LONP1: variants seen among roughly 807,000 people sequenced by gnomAD.
LONP1 encodes lon protease homolog, mitochondrial.
In LONP1, 31 loss-of-function variants were observed where a neutral mutation model predicts 98.5. The observed-to-expected ratio is 0.31, with a 90% CI of 0.24 to 0.42. The LOEUF is 0.42. Among genes scored for constraint, LONP1 ranks in the 20% least tolerant of loss-of-function variants. LONP1 has a pLI of 1.00. For missense variants in LONP1, 1,336 were observed against 1,350.6 expected, an observed-to-expected ratio of 0.99 and a Z score of 0.17; for synonymous variants, 781 against 594.7, an observed-to-expected ratio of 1.31 and a Z score of -4.56.
intron 9 of LONP1, 116 bp from the exon 10 acceptor site, chr19:5,699,321 A>AG (rs2054999608): frequency 1.2e-6 from 1 of 827,340 alleles, no homozygotes; most frequent in Non-Finnish European, 1.7e-6. Flanking sequence ...AGAAGGGACC[A>AG]GGATTGTCCG....
intron 4 of LONP1, 64 bp downstream of exon 4, chr19:5,711,707 G>A: frequency 7.2e-7 from 1 of 1,381,696 alleles, no homozygotes; most frequent in Non-Finnish European, 1.0e-6. Flanking sequence ...GAGGCCGCAG[G>A]AACGGCTCAA....
chr19:5,705,639 G>A (rs569873886), intron 8 of LONP1, 133 bp downstream of exon 8: 12 of 673,866 alleles, frequency 1.8e-5, no homozygotes, highest in Non-Finnish European at 2.8e-5. Flanking sequence ...GATACTCGCT[G>A]GATGCCTCCC....
chr19:5,708,543 G>A (rs992900573), intron 4 of LONP1, 140 bp from the exon 5 acceptor site: 35 of 369,486 alleles, frequency 9.5e-5, no homozygotes, highest in East Asian at 6.8e-4. Context: ...GGCCACGGAC[G>A]GCCTGGGAGA....
intron 3 of LONP1, 167 bp from the exon 4 acceptor site, chr19:5,712,169 C>T (rs769555522): frequency 4.2e-5 from 25 of 591,788 alleles, no homozygotes; most frequent in Non-Finnish European, 6.8e-5. Flanking sequence ...GCCGCTTTCT[C>T]GGGGCCTCCC....
At chr19:5,712,991 C>G (rs1270349449) in intron 3 of LONP1, 143 bp downstream of exon 3, 2 of 1,121,210 alleles carry the variant, frequency 1.8e-6, no homozygotes, top group African/African-American at 3.0e-5. Flanking sequence ...CACTCTCACC[C>G]CCAGCTCTGG....
At chr19:5,701,542 G>A (rs557555763) in intron 8 of LONP1, among the ~76,000 whole-genome samples, 28 of 152,314 alleles carry the variant, frequency 1.8e-4, no homozygotes, top group South Asian at 6.2e-4. Context: ...TGTGTTGGCC[G>A]GGCTGGTCTC....
Position 5,696,654 on chromosome 19 carries a change from G to T in LONP1, c.1773+16C>A. On this transcript the variant is annotated intron_variant, in intron 11 of 17. Coordinates refer to ENST00000360614, the MANE Select transcript of LONP1 (RefSeq NM_004793.4). ...CATTGCCGGGTTAGGGGGTCTCCGG[G>T]CCTCTCCGCACGCACCTCGTCGATG... is the stretch of plus-strand genomic sequence containing the variant. The T allele has an allele frequency of 6.2e-7, 1 of 1,610,450 alleles. No individual in the cohort carries two copies. The highest frequency in any genetic ancestry group is 1.3e-5 in the African/African-American group (1 of 74,992).
intron 1 of LONP1, among the ~76,000 whole-genome samples, chr19:5,717,783 T>C (rs1297340479): frequency 6.6e-6 from 1 of 152,098 alleles, no homozygotes; most frequent in African/African-American, 2.4e-5. Flanking sequence ...GGTGACACCA[T>C]GGCTCACTGC....
intron 10 of LONP1, among the ~76,000 whole-genome samples, chr19:5,697,007 C>T (rs1175999692): frequency 1.3e-5 from 2 of 152,208 alleles, no homozygotes; most frequent in Non-Finnish European, 2.9e-5. Flanking sequence ...AGTCCCATCC[C>T]TCAGCTGACA....
intron 2 of LONP1, among the ~76,000 whole-genome samples, chr19:5,713,541 G>A (rs937320909): frequency 2.0e-5 from 3 of 152,164 alleles, no homozygotes; most frequent in Non-Finnish European, 4.4e-5. Flanking sequence ...CTATCACAGA[G>A]CCTGCTTCGA....
chr19:5,700,554 C>T (rs993124798), intron 9 of LONP1, among the ~76,000 whole-genome samples: 2 of 152,232 alleles, frequency 1.3e-5, no homozygotes, highest in African/African-American at 4.8e-5. Flanking sequence ...GTAACTGGGA[C>T]TACAAGCAGC....
At chr19:5,708,494 C>A (rs1169045980) in intron 4 of LONP1, 91 bp from the exon 5 acceptor site, 3 of 1,174,498 alleles carry the variant, frequency 2.6e-6, no homozygotes, top group Non-Finnish European at 3.7e-6. Flanking sequence ...GCCCCACCCA[C>A]CAGCTCCATC....
At chr19:5,710,140 A>G (rs1307745861) in intron 4 of LONP1, among the ~76,000 whole-genome samples, 3 of 149,412 alleles carry the variant, frequency 2.0e-5, no homozygotes, top group Non-Finnish European at 4.4e-5. Flanking sequence ...CTGGAATGCA[A>G]TAGTGCAATC....
At chr19:5,698,972 G>A (rs2054992856) in intron 10 of LONP1, 55 bp downstream of exon 10, 2 of 1,511,210 alleles carry the variant, frequency 1.3e-6, no homozygotes, top group Non-Finnish European at 1.8e-6. Flanking sequence ...AGAAGACGAA[G>A]CCCGGCAGCA....
chr19:5,705,876 G>C lies in LONP1; in HGVS notation c.1263C>G (p.Phe421Leu), dbSNP rs771176801. 1.2e-6 allele frequency: 2 copies of C among 1,614,174 alleles called. No homozygotes were observed. The highest frequency in any genetic ancestry group is 1.3e-5 in the African/African-American group (1 of 75,054). ...CCACGAGCTCCTTCAGGCGCTCCCG[G>C]AACTTCTCCTCGATGGCATCCTTGT... ...KDDKDAIEEKFRERLKELVVP... is the reference protein window; with the variant it reads ...KDDKDAIEEKLRERLKELVVP... The change falls in exon 8 of 18, where the codon TTC becomes TTG. Residue 421 changes from phenylalanine to leucine, a missense_variant. Phe to Leu is a conservative substitution (Grantham distance 22). Coordinates refer to ENST00000360614, the MANE Select transcript of LONP1 (RefSeq NM_004793.4).
At position 5,694,274 on chromosome 19, in the gene LONP1, G is replaced by A. The variant is rs993179844; in HGVS notation, c.2320+113C>T. 5.7e-6 allele frequency: 8 copies of A among 1,408,804 alleles called. No homozygotes were observed. The East Asian group carries it at 1.5e-4, about 26-fold the overall frequency. The allele number at this position is 1,408,804 out of a possible 1,614,324, so 87.3% of individuals were successfully genotyped here. On this transcript the variant is annotated intron_variant, in intron 15 of 17. Transcript: ENST00000360614. ...GCTCCCAGCACACCACCCCCCGCCA[G>A]AGGCCGTTCAGAGCCACCTGAGGCC...
Position 5,702,075 on chromosome 19 carries a change from T to TG in LONP1, c.1368-1149dup, listed in dbSNP as rs1258861980. 2.1e-3 allele frequency among the ~76,000 whole-genome samples: 285 copies of TG among 133,206 alleles called. 2 individuals carry two copies. Among genetic ancestry groups the TG allele is most frequent in the African/African-American group, 6.4e-3 (222 of 34,872 alleles). 87.4% of individuals were successfully genotyped at this position (133,206 alleles called of 152,430 possible). On this transcript the variant is annotated intron_variant, in intron 8 of 17. Coordinates refer to ENST00000360614, the MANE Select transcript of LONP1 (RefSeq NM_004793.4). ...GCAGCCACCCCGTCCGGGAGGGAGG[T>TG]GGGGGGGTCAGCCCCCCACCCGGCC...
chr19:5,713,793 C>T (rs2145627729), intron 2 of LONP1, among the ~76,000 whole-genome samples: 1 of 152,252 alleles, frequency 6.6e-6, no homozygotes, highest in South Asian at 2.1e-4. Flanking sequence ...GAACTCCTGA[C>T]CTCAGGTGAT....
intron 8 of LONP1, among the ~76,000 whole-genome samples, chr19:5,705,457 CAAA>C (rs552452093): frequency 1.2e-4 from 13 of 106,016 alleles, no homozygotes; most frequent in Admixed American, 3.0e-4. Flanking sequence ...GACTCCATTT[CAAA>C]AAAAAAAAAA....
Sources: gnomAD v4.1 joint callset for allele counts (sites outside exome capture counted in the v4.1 genomes callset) on GRCh38, gnomAD v4.1.1 for gene constraint, MANE v1.5 for transcripts, NCBI Gene and HGNC (gene_info 2026-07-23, HGNC 2026-07-21) for gene names.